Variants in TCF20 observed in about 807,000 individuals in gnomAD.
TCF20 encodes the protein transcription factor 20, also known as SPRE-binding protein.
Under a neutral mutation model 148.6 loss-of-function variants are expected in TCF20, and 3 were observed. That is an observed-to-expected ratio of 0.02 (90% CI 0.01 to 0.05). The LOEUF is 0.05. Among genes scored for constraint, TCF20 ranks in the 10% least tolerant of loss-of-function variants. The pLI is 1.00. For missense variants in TCF20, 2,350 were observed against 2,429.3 expected, an observed-to-expected ratio of 0.97 and a Z score of 0.69; for synonymous variants, 1,049 against 909.5, an observed-to-expected ratio of 1.15 and a Z score of -2.76.
At chr22:42,268,991 G>A (rs900173333) in intron 1 of TCF20, among the ~76,000 whole-genome samples, 4 of 152,172 alleles carry the variant, frequency 2.6e-5, no homozygotes, top group African/African-American at 9.7e-5. Context: ...ACAAACCCCT[G>A]TACCGTCTGA....
At chr22:42,241,859 G>A (rs543925716) in intron 1 of TCF20, among the ~76,000 whole-genome samples, 2 of 151,876 alleles carry the variant, frequency 1.3e-5, no homozygotes, top group South Asian at 4.2e-4. Context: ...TAGTCAAAGA[G>A]AAGACTGATT....
chr22:42,302,022 A>C (rs1281949983), intron 1 of TCF20, among the ~76,000 whole-genome samples: 1 of 151,842 alleles, frequency 6.6e-6, no homozygotes, highest in Admixed American at 6.6e-5. Context: ...CTGGGAGAGA[A>C]CCCCCTGATG....
Position 42,327,477 on chromosome 22 carries a change from G to C in TCF20, c.-37+16002C>G, listed in dbSNP as rs556432753. ...CTGCAGCTGGGCCCAAAGGGTGAGT[G>C]GGAACCCCAGGAAATGGGACAGGAG... On this transcript the variant is annotated intron_variant, in intron 1 of 1. Coordinates refer to the TCF20 transcript ENST00000515426. Among the ~76,000 whole-genome samples, 9 of 152,256 alleles carry C rather than the reference G, an allele frequency of 5.9e-5. No homozygotes were observed. The South Asian group carries it at 1.9e-3, about 32-fold the overall frequency.
intron 1 of TCF20, among the ~76,000 whole-genome samples, chr22:42,306,530 G>A (rs868584888): frequency 7.9e-5 from 12 of 152,188 alleles, no homozygotes; most frequent in African/African-American, 4.8e-5. Context: ...GGCCTCCACT[G>A]TGCCCGTGGA....
chr22:42,251,819 AAAT>A (rs927995668), intron 1 of TCF20, among the ~76,000 whole-genome samples: 6 of 151,810 alleles, frequency 4.0e-5, no homozygotes, highest in Non-Finnish European at 7.4e-5. Context: ...AGTATTTTTT[AAAT>A]AATGTTTTAA....
chr22:42,222,166 G>A (rs923095200), intron 1 of TCF20, among the ~76,000 whole-genome samples: 4 of 152,170 alleles, frequency 2.6e-5, no homozygotes, highest in Non-Finnish European at 4.4e-5. Flanking sequence ...GACAACAAAT[G>A]CATTTATTAT....
chr22:42,295,086 A>G (rs961659882), intron 1 of TCF20, among the ~76,000 whole-genome samples: 1 of 152,184 alleles, frequency 6.6e-6, no homozygotes, highest in Non-Finnish European at 1.5e-5. Flanking sequence ...CCCCACTGCC[A>G]CTGAGGGAGA....
Position 42,332,580 on chromosome 22 carries a change from T to C in TCF20, c.-37+10899A>G, listed in dbSNP as rs537742477. The stretch of plus-strand genomic sequence containing the variant: ...GTGTAGTGGTACCATCTCGGCTCAC[T>C]GCAACCTCCGCCTCCCGGGCTCAAG... On this transcript the variant is annotated intron_variant, in intron 1 of 1. Coordinates refer to the TCF20 transcript ENST00000515426. Among the ~76,000 whole-genome samples, 129 of 152,284 alleles carry C rather than the reference T, an allele frequency of 8.5e-4. 1 individual carries two copies. Among genetic ancestry groups the C allele is most frequent in the South Asian group, 2.5e-3 (12 of 4,826 alleles).
chr22:42,203,534 G>T (rs1001796633), intron 2 of TCF20, among the ~76,000 whole-genome samples: 3 of 152,152 alleles, frequency 2.0e-5, no homozygotes, highest in African/African-American at 7.2e-5. Context: ...ACGAAATCCT[G>T]AAAGAAAATG....
chr22:42,247,438 T>A (rs1414804352), intron 1 of TCF20, among the ~76,000 whole-genome samples: 12 of 71,776 alleles, frequency 1.7e-4, no homozygotes, highest in Admixed American at 1.1e-3. Flanking sequence ...AGACTCCATC[T>A]CAAAAAAAAA....
In TCF20 at chr22:42,214,698, G is replaced by A; in HGVS notation, c.608C>T (p.Ser203Phe). ...CATTGGCTGTAGATGGGATGAGCTG[G>A]ATGCTGGTTGGCCAGTGGCCTGTGG... Reference protein sequence around the residue: ...PLPQATGQPASSSSHLQPMQR... With the variant: ...PLPQATGQPAFSSSHLQPMQR... The change falls in exon 2 of 6, where the codon TCC becomes TTC. Residue 203 changes from serine (S) to phenylalanine (F), a missense_variant. Around this residue, in one of 7 missense-constraint regions of TCF20, gnomAD observed 1,641 missense variants for 1,662.6 expected, o/e 0.99. Coordinates refer to ENST00000677622, the MANE Select transcript of TCF20 (RefSeq NM_001378418.1). 3 of 1,614,174 alleles carry A rather than the reference G, an allele frequency of 1.9e-6. No homozygotes were observed. The highest frequency in any genetic ancestry group is 2.5e-6 in the Non-Finnish European group (3 of 1,180,028).
chr22:42,271,546 C>T (rs117168709), upstream of TCF20, among the ~76,000 whole-genome samples: 1,720 of 152,262 alleles, frequency 0.011, 29 homozygotes, highest in South Asian at 0.044. Context: ...GGTGCCCCCA[C>T]GGCCATCAAA....
chr22:42,270,771 G>GCCGGGCGCGCGCGTGC (rs1926581917), upstream of TCF20, among the ~76,000 whole-genome samples: 1 of 144,530 alleles, frequency 6.9e-6, no homozygotes, highest in South Asian at 2.1e-4. Context: ...TGGGGGCGGG[G>GCCGGGCGCGCGCGTGC]CCGGGCGCGC....
chr22:42,243,478 T>C (rs1436701548), intron 1 of TCF20, among the ~76,000 whole-genome samples: 1 of 151,708 alleles, frequency 6.6e-6, no homozygotes, highest in Non-Finnish European at 1.5e-5. Flanking sequence ...GGTGGGTGCC[T>C]GTAATCCCAG....
chr22:42,329,918 G>C (rs560858545), intron 1 of TCF20, among the ~76,000 whole-genome samples: 24 of 152,304 alleles, frequency 1.6e-4, no homozygotes, highest in African/African-American at 5.3e-4. Flanking sequence ...GAACTCACCA[G>C]GGGCCACCAA....
intron 1 of TCF20, among the ~76,000 whole-genome samples, chr22:42,227,231 C>T (rs1402961916): frequency 1.3e-5 from 2 of 152,176 alleles, no homozygotes; most frequent in African/African-American, 2.4e-5. Context: ...GAGCTAAGAT[C>T]GTTCCATTGC....
Position 42,161,972 on chromosome 22 carries a change from C to CTTTTTTTTTT in TCF20, c.*45-624_*45-615dup, listed in dbSNP as rs3045573. 4.6e-3 allele frequency among the ~76,000 whole-genome samples: 342 copies of CTTTTTTTTTT among 74,990 alleles called. 73 individuals carry two copies. The highest frequency in any genetic ancestry group is 0.021 in the African/African-American group (331 of 15,630). 49.2% of individuals were successfully genotyped at this position (74,990 alleles called of 152,430 possible). On this transcript the variant is annotated intron_variant, in intron 5 of 5. Transcript: ENST00000677622. The stretch of plus-strand genomic sequence containing the variant: ...GCCACCATGCTTGGCTAATGACAGT[C>CTTTTTTTTTT]TTTTTTTTTTTTTTTTTTTTTTTTT...
intron 2 of TCF20, among the ~76,000 whole-genome samples, chr22:42,199,966 T>TTTTG (rs58821646): frequency 6.6e-6 from 1 of 151,304 alleles, no homozygotes; most frequent in African/African-American, 2.4e-5. Flanking sequence ...TCTCTGGGTT[T>TTTTG]TTTTTTATAA....
intron 1 of TCF20, among the ~76,000 whole-genome samples, chr22:42,222,351 A>T (rs1423157795): frequency 1.3e-5 from 2 of 151,340 alleles, no homozygotes; most frequent in Non-Finnish European, 2.9e-5. Context: ...TCATGACACT[A>T]CTCTCCTTCC....
Sources: gnomAD v4.1 joint callset for allele counts (sites outside exome capture counted in the v4.1 genomes callset) on GRCh38, gnomAD v4.1.1 for gene constraint, gnomAD v4.1.1 regional missense constraint, MANE v1.5 for transcripts, NCBI Gene and HGNC (gene_info 2026-07-23, HGNC 2026-07-21) for gene names.